MERTK: variants seen among roughly 807,000 people sequenced by gnomAD.
MERTK encodes the protein tyrosine-protein kinase Mer.
Under a neutral mutation model 99.3 loss-of-function variants are expected in MERTK, and 69 were observed. The ratio of observed to expected loss-of-function variants is 0.70; its 90% confidence interval spans 0.57 to 0.85. MERTK has a LOEUF of 0.85. MERTK is among the 40% of genes least tolerant of loss of function. MERTK has a pLI of 0.00. For missense variants in MERTK, 1,125 were observed against 1,249.4 expected (o/e 0.90, Z 1.50); for synonymous variants, 426 against 467.6 (o/e 0.91, Z 1.15).
At chr2:112,018,360 C>T (rs1195154032) in intron 15 of MERTK, among the ~76,000 whole-genome samples, 1 of 152,154 alleles carries the variant, frequency 6.6e-6, no homozygotes, top group East Asian at 1.9e-4. Flanking sequence ...TGACCCAAAT[C>T]CTTTCCTGGA....
rs1677524728 is a variant in MERTK, at chr2:112,028,835, T to C, written c.2971T>C (p.Ser991Pro). The change falls in exon 19 of 19, where the codon TCC (serine) becomes CCC (proline). Residue 991 changes from serine to proline, a missense_variant. By Grantham distance (74) the Ser-to-Pro change is moderately conservative. Coordinates refer to ENST00000295408, the MANE Select transcript of MERTK (RefSeq NM_006343.3). ...LPDELLFADD[S>P]SEGSEVLM is the part of the protein sequence containing the mutation. Reference sequence around the variant, plus strand: ...CGATGAACTTTTGTTTGCTGACGACTCCTCAGAAGGCTCAGAAGTCCTGAT... The same window carrying C: ...CGATGAACTTTTGTTTGCTGACGACCCCTCAGAAGGCTCAGAAGTCCTGAT... The C allele has an allele frequency of 6.2e-7, 1 of 1,613,964 alleles. No homozygotes were observed. Among genetic ancestry groups the C allele is most frequent in the Non-Finnish European group, 8.5e-7 (1 of 1,180,028 alleles).
Position 111,925,290 on chromosome 2 carries a change from A to AT in MERTK, c.62-3829dup, listed in dbSNP as rs1336943200. 7.4e-3 allele frequency among the ~76,000 whole-genome samples: 233 copies of AT among 31,468 alleles called. 6 individuals are homozygous for AT. The highest frequency in any genetic ancestry group is 8.9e-3 in the Non-Finnish European group (164 of 18,398). 20.6% of individuals were successfully genotyped at this position (31,468 alleles called of 152,430 possible). A position where few individuals can be genotyped will look rare whatever the true frequency, so the allele number is the denominator to read the frequency against. On this transcript the variant is annotated intron_variant, in intron 1 of 18. Coordinates refer to ENST00000295408, the MANE Select transcript of MERTK (RefSeq NM_006343.3). ...GTACAGATCAGATATATATATATATATATTTTTTTTTTTTTTTTTTTTTTT... is the reference window on the plus strand; with the variant it reads ...GTACAGATCAGATATATATATATATATTATTTTTTTTTTTTTTTTTTTTTTT...
At chr2:112,003,049 C>T (rs1427218761) in intron 11 of MERTK, 43 bp from the exon 12 acceptor site, 1 of 872,152 alleles carries the variant, frequency 1.1e-6, no homozygotes, top group Non-Finnish European at 2.0e-6. Context: ...TGAAAGAAAA[C>T]ACGCTGACAA....
Position 112,011,522 on chromosome 2 carries a change from C to T in MERTK, c.2079+1456C>T, listed in dbSNP as rs113479603. 1.2e-3 allele frequency among the ~76,000 whole-genome samples: 180 copies of T among 152,232 alleles called. 1 individual carries two copies. Among genetic ancestry groups the T allele is most frequent in the African/African-American group, 4.1e-3 (172 of 41,524 alleles). ...ATCCCAGCACATTGGGAGGCTGAGGCGGGGGAATCACTTGAGGTCAGTTCG... is the reference window on the plus strand; with the variant it reads ...ATCCCAGCACATTGGGAGGCTGAGGTGGGGGAATCACTTGAGGTCAGTTCG... On this transcript the variant is annotated intron_variant, in intron 15 of 18. Transcript: ENST00000295408.
intron 1 of MERTK, among the ~76,000 whole-genome samples, chr2:111,908,100 C>T (rs17779482): frequency 0.23 from 34,989 of 152,100 alleles, 4,343 homozygotes; most frequent in Middle Eastern, 0.37. Context: ...TGTATCAGAA[C>T]CTGGCCATTG....
intron 7 of MERTK, among the ~76,000 whole-genome samples, chr2:111,980,585 A>AT (rs1676351388): frequency 1.3e-5 from 2 of 151,714 alleles, no homozygotes; most frequent in South Asian, 4.2e-4. Flanking sequence ...CGCCCGGCTA[A>AT]TTTTTTGTAT....
chr2:111,912,302 C>T (rs1198953572), intron 1 of MERTK, among the ~76,000 whole-genome samples: 9 of 152,128 alleles, frequency 5.9e-5, no homozygotes, highest in African/African-American at 1.2e-4. Context: ...CCACCACACC[C>T]GGCCCCAGTT....
chr2:111,925,293 T>TATATATATATATATATATATATATATA lies in MERTK; in HGVS notation c.62-3827_62-3826insATATATATATATATATATATATATATA, dbSNP rs1553446655. Among the ~76,000 whole-genome samples the TATATATATATATATATATATATATATA allele has an allele frequency of 2.4e-3, 72 of 29,656 alleles. 7 individuals are homozygous for TATATATATATATATATATATATATATA. Among genetic ancestry groups the TATATATATATATATATATATATATATA allele is most frequent in the Middle Eastern group, 0.021 (1 of 48 alleles). The allele number at this position is 29,656 out of a possible 152,430, so 19.5% of individuals were successfully genotyped here. On this transcript the variant is annotated intron_variant, in intron 1 of 18. Transcript: ENST00000295408. ...CAGATCAGATATATATATATATATATTTTTTTTTTTTTTTTTTTTTTTTTT... is the reference window on the plus strand; with the variant it reads ...CAGATCAGATATATATATATATATATATATATATATATATATATATATATATATTTTTTTTTTTTTTTTTTTTTTTTT...
chr2:111,994,340 A>G lies in MERTK; in HGVS notation c.1386A>G (p.Ala462=). The change falls in exon 9 of 19, where the codon GCA becomes GCG. Residue 462 remains alanine, a synonymous_variant. Coordinates refer to ENST00000295408, the MANE Select transcript of MERTK (RefSeq NM_006343.3). ...ATGCTACGTGCACAGTGAGGATTGC[A>G]GCCGTCACCAGAGGGGGAGTTGGGC... ...VHNATCTVRI[A]AVTRGGVGPF... 1 of 1,614,176 alleles carries G rather than the reference A, an allele frequency of 6.2e-7. No individual in the cohort carries two copies. The highest frequency in any genetic ancestry group is 1.1e-5 in the South Asian group (1 of 91,078).
chr2:111,943,902 C>A (rs145118954), intron 2 of MERTK, among the ~76,000 whole-genome samples: 1 of 152,130 alleles, frequency 6.6e-6, no homozygotes, highest in Non-Finnish European at 1.5e-5. Flanking sequence ...TGGAGCCCCC[C>A]TAGTCATTGT....
Position 111,991,957 on chromosome 2 carries a change from G to A in MERTK, c.1297-2294G>A, listed in dbSNP as rs188473163. 2.3e-3 allele frequency among the ~76,000 whole-genome samples: 349 copies of A among 152,228 alleles called. 4 individuals are homozygous for A. The highest frequency in any genetic ancestry group is 7.2e-3 in the East Asian group (37 of 5,172). The stretch of plus-strand genomic sequence containing the variant: ...TTCGCTATAATGTTTGGGCACTTTA[G>A]GCCTCAGAAAACAGAATCTCTCTTG... On this transcript the variant is annotated intron_variant, in intron 8 of 18. Coordinates refer to ENST00000295408, the MANE Select transcript of MERTK (RefSeq NM_006343.3).
At position 111,997,413 on chromosome 2, in the gene MERTK, T is replaced by C. The variant is rs771925128; in HGVS notation, c.1541T>C (p.Leu514Ser). 9.9e-6 allele frequency: 16 copies of C among 1,614,032 alleles called. No homozygotes were observed. The East Asian group carries it at 3.3e-4, about 34-fold the overall frequency. The stretch of plus-strand genomic sequence containing the variant: ...TTTGGCTGCTTTTGTGGATTTATTT[T>C]GATTGGGTTGATTTTATACATCTCC... ...IIFGCFCGFI[L>S]IGLILYISLA... is the part of the protein sequence containing the mutation. The change falls in exon 10 of 19, where the codon TTG (leucine) becomes TCG (serine). Residue 514 changes from leucine (L) to serine (S), a missense_variant. Coordinates refer to ENST00000295408, the MANE Select transcript of MERTK (RefSeq NM_006343.3).
intron 4 of MERTK, among the ~76,000 whole-genome samples, chr2:111,948,911 G>A (rs1390288880): frequency 6.6e-6 from 1 of 151,868 alleles, no homozygotes; most frequent in African/African-American, 2.4e-5. Context: ...TTTCCCTAGG[G>A]GCTGCGTGTC....
intron 6 of MERTK, among the ~76,000 whole-genome samples, chr2:111,972,673 T>G (rs1002705755): frequency 8.5e-5 from 13 of 152,188 alleles, no homozygotes; most frequent in African/African-American, 2.9e-4. Flanking sequence ...TCCTTTCTCC[T>G]TTCCATCTCT....
intron 2 of MERTK, among the ~76,000 whole-genome samples, chr2:111,941,773 T>C (rs10207820): frequency 0.62 from 94,123 of 152,090 alleles, 29,512 homozygotes; most frequent in Middle Eastern, 0.7. Flanking sequence ...TTAATGCAGG[T>C]GCCTATTTTT....
chr2:112,021,641 A>G lies in MERTK; in HGVS notation c.2349+60A>G, dbSNP rs188726876. ...CACAAAGAGGAGGGCATATTGAAAG[A>G]AATGACCTCAGCTGGTATGGCAAGA... On this transcript the variant is annotated intron_variant, in intron 17 of 18. Transcript: ENST00000295408. The G allele has an allele frequency of 1.1e-4, 161 of 1,482,300 alleles. 1 individual carries two copies. In the African/African-American group the frequency reaches 1.8e-3, roughly 17 times the overall value. 91.8% of individuals were successfully genotyped at this position (1,482,300 alleles called of 1,614,324 possible).
chr2:112,014,875 A>G (rs981546208), intron 15 of MERTK, among the ~76,000 whole-genome samples: 6 of 151,924 alleles, frequency 3.9e-5, no homozygotes, highest in Admixed American at 2.0e-4. Flanking sequence ...CTGACCTTAA[A>G]TGATCCACCC....
intron 4 of MERTK, among the ~76,000 whole-genome samples, chr2:111,961,585 C>T (rs1685252423): frequency 6.6e-6 from 1 of 152,048 alleles, no homozygotes; most frequent in African/African-American, 2.4e-5. Flanking sequence ...TCCATAATAC[C>T]ATGTTATTTT....
At chr2:112,010,104 G>C (rs376145178) in intron 15 of MERTK, 38 bp downstream of exon 15, 120 of 1,422,456 alleles carry the variant, frequency 8.4e-5, no homozygotes, top group Non-Finnish European at 1.1e-4. Flanking sequence ...ACACTTCTCA[G>C]GGCTTATGTG....
Sources: gnomAD v4.1 joint callset for allele counts (sites outside exome capture counted in the v4.1 genomes callset) on GRCh38, gnomAD v4.1.1 for gene constraint, MANE v1.5 for transcripts, NCBI Gene and HGNC (gene_info 2026-07-23, HGNC 2026-07-21) for gene names.